Variants in LPP observed in about 807,000 individuals in gnomAD.
LPP encodes the protein LIM domain containing preferred translocation partner in lipoma, also known as lipoma-preferred partner.
LPP carries 38 observed loss-of-function variants against 60.4 expected under a neutral mutation model. The observed-to-expected ratio is 0.63, with a 90% CI of 0.49 to 0.83. The LOEUF is 0.83. LPP is among the 40% of genes least tolerant of loss of function. The pLI, the probability that LPP is intolerant of heterozygous loss-of-function variation, is 0.00. For missense variants in LPP, 902 were observed against 783.6 expected (o/e 1.15, Z -1.80); for synonymous variants, 328 against 290.8 (o/e 1.13, Z -1.30).
At chr3:188,725,737 A>C (rs1375417189) in intron 8 of LPP, among the ~76,000 whole-genome samples, 2 of 152,194 alleles carry the variant, frequency 1.3e-5, no homozygotes, top group Non-Finnish European at 2.9e-5. Context: ...GTGCTTACAA[A>C]TAGCTCAATT....
At chr3:188,505,479 A>C (rs1353950719) in intron 5 of LPP, among the ~76,000 whole-genome samples, 1 of 152,092 alleles carries the variant, frequency 6.6e-6, no homozygotes, top group Non-Finnish European at 1.5e-5. Flanking sequence ...AATTATTTGA[A>C]CTGCTTGTGA....
At chr3:188,198,829 C>T (rs1231508621) in intron 1 of LPP, among the ~76,000 whole-genome samples, 1 of 152,210 alleles carries the variant, frequency 6.6e-6, no homozygotes, top group Non-Finnish European at 1.5e-5. Flanking sequence ...GAGAAAGTCA[C>T]ATCTGCATGG....
At chr3:188,243,654 G>A (rs947591156) in intron 2 of LPP, among the ~76,000 whole-genome samples, 1 of 152,128 alleles carries the variant, frequency 6.6e-6, no homozygotes, top group Non-Finnish European at 1.5e-5. Context: ...CTATGAGAAT[G>A]AGGCCATAGA....
At chr3:188,252,055 T>G (rs1311279313) in intron 2 of LPP, among the ~76,000 whole-genome samples, 1 of 98,396 alleles carries the variant, frequency 1.0e-5, no homozygotes, top group South Asian at 3.2e-4. Flanking sequence ...TATATATATA[T>G]ATATATATAT....
At chr3:188,602,179 T>TATATATAATATATATATA (rs1841484640) in intron 6 of LPP, among the ~76,000 whole-genome samples, 4 of 133,786 alleles carry the variant, frequency 3.0e-5, no homozygotes, top group African/African-American at 1.1e-4. Context: ...ATATATATTA[T>TATATATAATATATATATA]ATATATATAT....
chr3:188,804,014 A>G (rs959466124), intron 9 of LPP, among the ~76,000 whole-genome samples: 5 of 151,316 alleles, frequency 3.3e-5, no homozygotes, highest in South Asian at 2.1e-4. Flanking sequence ...AATATTGTAC[A>G]TATTTCCTAA....
In LPP at chr3:188,795,459, G is replaced by C. The variant is rs573775650; in HGVS notation, c.1410+35177G>C. Among the ~76,000 whole-genome samples, 4 of 152,332 alleles carry C rather than the reference G, an allele frequency of 2.6e-5. No individual in the cohort carries two copies. The East Asian group carries it at 7.7e-4, about 29-fold the overall frequency. On this transcript the variant is annotated intron_variant, in intron 9 of 11. Transcript: ENST00000617246. ...GCCTAGAGGTCCTATGCCAGATTAT[G>C]TGAATTAAAATTAGAAGAGAGTATT...
intron 3 of LPP, among the ~76,000 whole-genome samples, chr3:188,355,756 A>G (rs941469324): frequency 6.6e-6 from 1 of 152,222 alleles, no homozygotes; most frequent in South Asian, 2.1e-4. Context: ...CACGTTGTAG[A>G]AAAGTTTGAT....
At chr3:188,516,714 T>G (rs1817482254) in intron 5 of LPP, among the ~76,000 whole-genome samples, 1 of 150,232 alleles carries the variant, frequency 6.7e-6, no homozygotes, top group Non-Finnish European at 1.5e-5. Flanking sequence ...CTGGGGATGT[T>G]GAGAACATCC....
chr3:188,667,384 A>G (rs915990138), intron 7 of LPP, among the ~76,000 whole-genome samples: 2 of 151,818 alleles, frequency 1.3e-5, no homozygotes, highest in African/African-American at 4.8e-5. Context: ...AGGCTGAGGC[A>G]GGAGAATGGC....
At chr3:188,618,790 G>A (rs1306609291) in intron 7 of LPP, among the ~76,000 whole-genome samples, 1 of 152,062 alleles carries the variant, frequency 6.6e-6, no homozygotes, top group Non-Finnish European at 1.5e-5. Flanking sequence ...TAAGTGTTTG[G>A]TATATTTATG....
At position 188,880,750 on chromosome 3, in the gene LPP, A is replaced by G. The variant is rs1335785450; in HGVS notation, c.*6271A>G. 5.4e-6 allele frequency: 1 copy of G among 184,128 alleles called. No individual in the cohort carries two copies. The highest frequency in any genetic ancestry group is 1.2e-5 in the Non-Finnish European group (1 of 86,666). The allele number at this position is 184,128 out of a possible 1,614,324, so 11.4% of individuals were successfully genotyped here. The stretch of plus-strand genomic sequence containing the variant: ...GGCACTGAATGTAGCTTCTAAAATC[A>G]GTTCTCTACCCTACGAATGGAATGT... On this transcript the variant is annotated 3_prime_UTR_variant, in exon 12 of 12. Transcript: ENST00000617246.
intron 1 of LPP, among the ~76,000 whole-genome samples, chr3:188,190,055 A>ATT (rs36073619): frequency 1.1e-4 from 15 of 131,058 alleles, no homozygotes; most frequent in East Asian, 4.4e-4. Context: ...CATTCTGTGG[A>ATT]TTTTTTTTTT....
At chr3:188,351,443 A>C (rs974376346) in intron 3 of LPP, among the ~76,000 whole-genome samples, 2 of 152,066 alleles carry the variant, frequency 1.3e-5, no homozygotes. Context: ...TCTTCTTAGG[A>C]CTCTACAGGC....
At chr3:188,831,368 G>C (rs1178332598) in intron 9 of LPP, among the ~76,000 whole-genome samples, 1 of 152,182 alleles carries the variant, frequency 6.6e-6, no homozygotes, top group Non-Finnish European at 1.5e-5. Flanking sequence ...TTAGGAGAGA[G>C]AGGAGTCTCC....
intron 5 of LPP, among the ~76,000 whole-genome samples, chr3:188,499,891 T>C (rs1811324231): frequency 6.6e-6 from 1 of 152,140 alleles, no homozygotes; most frequent in East Asian, 1.9e-4. Context: ...ATGGAATGAT[T>C]TGCTTAATTT....
chr3:188,203,508 TATATTTAAATATATATAA>T (rs1179173778), intron 1 of LPP, among the ~76,000 whole-genome samples: 1 of 66,552 alleles, frequency 1.5e-5, no homozygotes, highest in Non-Finnish European at 2.8e-5. Flanking sequence ...TATAAATATA[TATATTTAAATATATATAA>T]ATATATATTT....
intron 4 of LPP, among the ~76,000 whole-genome samples, chr3:188,449,346 C>A (rs911329667): frequency 1.3e-5 from 2 of 152,162 alleles, no homozygotes; most frequent in African/African-American, 4.8e-5. Context: ...CTCCCTTCCA[C>A]CTCACAGAAG....
chr3:188,580,193 A>T (rs1835744515), intron 6 of LPP, among the ~76,000 whole-genome samples: 1 of 152,058 alleles, frequency 6.6e-6, no homozygotes, highest in Non-Finnish European at 1.5e-5. Context: ...TTTCCATGAG[A>T]GTCATACTCT....
Sources: gnomAD v4.1 joint callset for allele counts (sites outside exome capture counted in the v4.1 genomes callset) on GRCh38, gnomAD v4.1.1 for gene constraint, MANE v1.5 for transcripts, NCBI Gene and HGNC (gene_info 2026-07-23, HGNC 2026-07-21) for gene names.